Variants in CSMD1 observed in about 807,000 individuals in gnomAD.
The protein encoded by CSMD1 is CUB and sushi domain-containing protein 1.
A neutral mutation model predicts 417.5 loss-of-function variants in CSMD1; 213 were observed. That is an observed-to-expected ratio of 0.51 (90% CI 0.46 to 0.57). The LOEUF is 0.57. CSMD1 is among the 20% of genes least tolerant of loss of function. The probability of loss-of-function intolerance (pLI) is 0.00; values close to 1 mark genes in which losing one functional copy is unlikely to be tolerated. For synonymous variants in CSMD1, 2,862 were observed against 1,736.8 expected (o/e 1.65, Z -16.11); for missense variants, 6,923 against 4,529.7 (o/e 1.53, Z -15.17).
At chr8:3,117,824 T>C (rs1816959916) in intron 42 of CSMD1, among the ~76,000 whole-genome samples, 1 of 152,116 alleles carries the variant, frequency 6.6e-6, no homozygotes, top group African/African-American at 2.4e-5. Flanking sequence ...CTCTACTATT[T>C]TCTCCTATGG....
intron 12 of CSMD1, among the ~76,000 whole-genome samples, chr8:3,410,449 G>C (rs1382047138): frequency 2.0e-5 from 3 of 152,094 alleles, no homozygotes; most frequent in Admixed American, 1.3e-4. Flanking sequence ...TGATCATGGG[G>C]GCAGGTCTTT....
At chr8:3,957,038 G>T (rs942512538) in intron 5 of CSMD1, among the ~76,000 whole-genome samples, 2 of 151,830 alleles carry the variant, frequency 1.3e-5, no homozygotes, top group Non-Finnish European at 1.5e-5. Flanking sequence ...GCCTATCTCA[G>T]AAGGAAGAAA....
intron 25 of CSMD1, among the ~76,000 whole-genome samples, chr8:3,303,202 C>T (rs1055343147): frequency 2.0e-5 from 3 of 152,158 alleles, no homozygotes; most frequent in Non-Finnish European, 2.9e-5. Context: ...GAAAATTCTC[C>T]AACCCATGGT....
At chr8:4,326,229 C>A (rs1345066136) in intron 3 of CSMD1, among the ~76,000 whole-genome samples, 2 of 152,152 alleles carry the variant, frequency 1.3e-5, no homozygotes, top group Non-Finnish European at 1.5e-5. Flanking sequence ...GCTTTGAAAA[C>A]CATTGGTCTA....
intron 50 of CSMD1, among the ~76,000 whole-genome samples, chr8:3,035,416 T>C (rs1391676686): frequency 6.6e-6 from 1 of 152,148 alleles, no homozygotes; most frequent in Non-Finnish European, 1.5e-5. Context: ...AAGCCCAGGC[T>C]CACCCCAACC....
At chr8:4,229,910 A>T (rs915550209) in intron 3 of CSMD1, among the ~76,000 whole-genome samples, 5 of 152,190 alleles carry the variant, frequency 3.3e-5, no homozygotes, top group African/African-American at 1.2e-4. Flanking sequence ...ATACTCAATA[A>T]TATTTGTTGA....
chr8:3,898,870 C>G (rs1438818310), intron 5 of CSMD1, among the ~76,000 whole-genome samples: 1 of 152,164 alleles, frequency 6.6e-6, no homozygotes, highest in Non-Finnish European at 1.5e-5. Context: ...CCCCAATACT[C>G]TGTTGGTCCC....
At position 3,889,483 on chromosome 8, in the gene CSMD1, ATATATAT is replaced by A. The variant is rs1563181277; in HGVS notation, c.818+108413_818+108419del. Among the ~76,000 whole-genome samples the A allele has an allele frequency of 1.1e-4, 13 of 113,622 alleles. 2 individuals are homozygous for A. Among genetic ancestry groups the A allele is most frequent in the African/African-American group, 4.6e-4 (13 of 28,554 alleles). 74.5% of individuals were successfully genotyped at this position (113,622 alleles called of 152,430 possible). On this transcript the variant is annotated intron_variant, in intron 5 of 69. Transcript: ENST00000635120. ...TATATATATATATATATATATATAT[ATATATAT>A]ATAAAATATGCTCATTAGGTCATGA...
intron 3 of CSMD1, among the ~76,000 whole-genome samples, chr8:4,383,832 TGAAAATAATAA>T (rs1803265703): frequency 6.6e-6 from 1 of 152,082 alleles, no homozygotes; most frequent in Non-Finnish European, 1.5e-5. Flanking sequence ...AAGTGGAACT[TGAAAATAATAA>T]CATGGAAATA....
In CSMD1 at chr8:4,872,859, T is replaced by C. The variant is rs185133098; in HGVS notation, c.85+121473A>G. Among the ~76,000 whole-genome samples, 55 of 152,244 alleles carry C rather than the reference T, an allele frequency of 3.6e-4. 1 individual carries two copies. The highest frequency in any genetic ancestry group is 1.3e-3 in the African/African-American group (53 of 41,492). On this transcript the variant is annotated intron_variant, in intron 1 of 69. Coordinates refer to ENST00000635120, the MANE Select transcript of CSMD1 (RefSeq NM_033225.6). Reference sequence around the variant, plus strand: ...TTGAAATTTGAACACTTGCTGGATATTGGCTCATACTGGAGTAGTACTGGC... The same window carrying C: ...TTGAAATTTGAACACTTGCTGGATACTGGCTCATACTGGAGTAGTACTGGC...
At chr8:3,877,353 C>G (rs1350750774) in intron 5 of CSMD1, among the ~76,000 whole-genome samples, 1 of 152,184 alleles carries the variant, frequency 6.6e-6, no homozygotes, top group Non-Finnish European at 1.5e-5. Flanking sequence ...GAGGCATGTG[C>G]TCTTCCATGG....
intron 6 of CSMD1, among the ~76,000 whole-genome samples, chr8:3,728,175 A>G (rs1008950327): frequency 1.3e-5 from 2 of 152,178 alleles, no homozygotes; most frequent in Non-Finnish European, 2.9e-5. Context: ...TGTTGCCCCC[A>G]TACTGTTCTC....
At chr8:4,432,665 G>T (rs545217171) in intron 2 of CSMD1, among the ~76,000 whole-genome samples, 1 of 152,150 alleles carries the variant, frequency 6.6e-6, no homozygotes, top group Non-Finnish European at 1.5e-5. Flanking sequence ...TGGAGAGCAG[G>T]AGAGACAAGA....
At chr8:3,260,020 T>A (rs1200970440) in intron 26 of CSMD1, among the ~76,000 whole-genome samples, 2 of 152,160 alleles carry the variant, frequency 1.3e-5, no homozygotes, top group African/African-American at 4.8e-5. Context: ...ACTCTCTGAC[T>A]CTTCAGGGAA....
intron 3 of CSMD1, among the ~76,000 whole-genome samples, chr8:4,110,444 C>T (rs192834782): frequency 6.6e-6 from 1 of 152,204 alleles, no homozygotes; most frequent in African/African-American, 2.4e-5. Flanking sequence ...ATTACTTTTC[C>T]TTTAAGCCAG....
rs74646723 is a variant in CSMD1, at chr8:4,849,137, C to T, written c.85+145195G>A. On this transcript the variant is annotated intron_variant, in intron 1 of 69. Transcript: ENST00000635120. ...CCTTGTGTAAGTCTAGGCTAATGTGCGTTTGTGTCTTAGCTTTTAACAAAA... is the reference window on the plus strand; with the variant it reads ...CCTTGTGTAAGTCTAGGCTAATGTGTGTTTGTGTCTTAGCTTTTAACAAAA... 0.015 allele frequency among the ~76,000 whole-genome samples: 2,209 copies of T among 152,020 alleles called. 129 individuals are homozygous for T. In the East Asian group the frequency reaches 0.23, roughly 16 times the overall value.
At chr8:4,970,454 A>C (rs1378711555) in intron 1 of CSMD1, among the ~76,000 whole-genome samples, 1 of 152,278 alleles carries the variant, frequency 6.6e-6, no homozygotes, top group East Asian at 1.9e-4. Context: ...TGTGACCAAA[A>C]TGACATCGGT....
chr8:3,387,317 G>A (rs1351553786), intron 18 of CSMD1, among the ~76,000 whole-genome samples, 177 bp downstream of exon 18: 3 of 152,144 alleles, frequency 2.0e-5, no homozygotes, highest in Non-Finnish European at 4.4e-5. Flanking sequence ...CATACACGGT[G>A]GTAGGTAAAC....
At chr8:4,520,331 T>C (rs1803373420) in intron 2 of CSMD1, among the ~76,000 whole-genome samples, 1 of 152,218 alleles carries the variant, frequency 6.6e-6, no homozygotes, top group South Asian at 2.1e-4. Flanking sequence ...CTGTAGATAA[T>C]AGTCAATGAA....
Sources: allele counts gnomAD v4.1 joint callset (sites outside exome capture counted in the v4.1 genomes callset), GRCh38; gene constraint gnomAD v4.1.1; transcripts MANE v1.5; gene names NCBI Gene and HGNC (gene_info 2026-07-23, HGNC 2026-07-21).